Variants in IRAK1BP1 observed in about 807,000 individuals in gnomAD.
The protein encoded by IRAK1BP1 is interleukin 1 receptor associated kinase 1 binding protein 1, also known as interleukin-1 receptor-associated kinase 1-binding protein 1.
In IRAK1BP1, 24 loss-of-function variants were observed where a neutral mutation model predicts 28.0. That is an observed-to-expected ratio of 0.86 (90% CI 0.62 to 1.20). IRAK1BP1 has a LOEUF of 1.20. Among genes scored for constraint, IRAK1BP1 ranks in the 50% most tolerant of loss-of-function variants. The pLI is 0.00. For missense variants in IRAK1BP1, 336 were observed against 316.7 expected (o/e 1.06, Z -0.46); for synonymous variants, 131 against 116.3 (o/e 1.13, Z -0.81).
Position 78,933,147 on chromosome 6 carries a change from G to A in IRAK1BP1, c.*68-12261G>A, listed in dbSNP as rs567491501. On this transcript the variant is annotated intron_variant and NMD_transcript_variant, in intron 4 of 4. Coordinates refer to the IRAK1BP1 transcript ENST00000606868. ...AGCCTGTCCTTTGAAGCTAGGCATT[G>A]ACTTCTCTCTAGCTATGAAAGTCCT... Among the ~76,000 whole-genome samples, 15 of 152,224 alleles carry A rather than the reference G, an allele frequency of 9.9e-5. No homozygotes were observed. The South Asian group carries it at 3.1e-3, about 32-fold the overall frequency.
At chr6:78,891,552 C>G (rs1241063428) in intron 2 of IRAK1BP1, among the ~76,000 whole-genome samples, 1 of 151,756 alleles carries the variant, frequency 6.6e-6, no homozygotes, top group Admixed American at 6.6e-5. Flanking sequence ...ACCTCCGTCT[C>G]CCAGGTTCAA....
intron 4 of IRAK1BP1, chr6:78,935,452 T>C: frequency 1.0e-6 from 1 of 958,254 alleles, no homozygotes; most frequent in Non-Finnish European, 1.2e-6. Context: ...ATCATTCCTT[T>C]TTTCCCAGAA....
In IRAK1BP1 at chr6:78,867,827, C is replaced by T. The variant is rs61729435; in HGVS notation, c.251C>T (p.Ala84Val). 775 of 1,612,012 alleles carry T rather than the reference C, an allele frequency of 4.8e-4. 4 individuals carry two copies. The African/African-American group carries it at 9.5e-3, about 20-fold the overall frequency. The change falls in exon 1 of 4, where the codon GCC (alanine) becomes GTC (valine). Residue 84 changes from alanine (A) to valine (V), a missense_variant. Physicochemically the swap from Ala to Val is moderately conservative, Grantham distance 64. Coordinates refer to ENST00000369940, the MANE Select transcript of IRAK1BP1 (RefSeq NM_001010844.4). The stretch of plus-strand genomic sequence containing the variant: ...AGCACCAAGGAGGCGGCAGCCGAGG[C>T]CAAAAAGAGCGTTTGTCGCCGTCTA... The part of the protein sequence containing the change: ...VSSTKEAAAE[A>V]KKSVCRRLDY...
At chr6:78,970,251 A>G in the IRAK1BP1 span, 1 of 1,283,466 alleles carries the variant, frequency 7.8e-7, no homozygotes, top group African/African-American at 1.5e-5. Flanking sequence ...TGTTGAGAAA[A>G]AACTTCTTGG....
chr6:78,970,221 C>A, the IRAK1BP1 span: 2 of 1,514,002 alleles, frequency 1.3e-6, no homozygotes, highest in Non-Finnish European at 1.8e-6. Flanking sequence ...AAATAAACCA[C>A]AAAATAGACT....
intron 2 of IRAK1BP1, among the ~76,000 whole-genome samples, chr6:78,891,787 A>G (rs2127650494): frequency 6.6e-6 from 1 of 152,228 alleles, no homozygotes; most frequent in East Asian, 1.9e-4. Context: ...ATCCTGGGGT[A>G]TAATAGGTAT....
chr6:78,941,033 T>C (rs774747260), intron 4 of IRAK1BP1: 1 of 1,613,770 alleles, frequency 6.2e-7, no homozygotes, highest in Non-Finnish European at 8.5e-7. Context: ...TCCACGATTC[T>C]TTTTCTGTAA....
chr6:78,935,415 T>A, intron 4 of IRAK1BP1: 2 of 785,784 alleles, frequency 2.5e-6, no homozygotes, highest in Non-Finnish European at 3.1e-6. Flanking sequence ...ACAAAATTTC[T>A]AGGAAAACTG....
chr6:78,902,795 CAT>C lies in IRAK1BP1; in HGVS notation c.*4463_*4464del. Reference sequence around the variant, plus strand: ...ACATACATACATACATACATACATACATACATACATACATACATACATACATA... The same window carrying C: ...ACATACATACATACATACATACATACACATACATACATACATACATACATA... On this transcript the variant is annotated 3_prime_UTR_variant, in exon 4 of 4. Transcript: ENST00000369940. The C allele has an allele frequency of 2.3e-6, 1 of 437,968 alleles. No homozygotes were observed. The highest frequency in any genetic ancestry group is 4.1e-6 in the Non-Finnish European group (1 of 244,574). 27.1% of individuals were successfully genotyped at this position (437,968 alleles called of 1,614,324 possible). A position where few individuals can be genotyped will look rare whatever the true frequency, so the allele number is the denominator to read the frequency against.
rs1772142064 is a variant in IRAK1BP1, at chr6:78,902,661, C to T, written c.*4327C>T. 1 of 204,434 alleles carries T rather than the reference C, an allele frequency of 4.9e-6. No individual in the cohort carries two copies. Among genetic ancestry groups the T allele is most frequent in the Admixed American group, 5.7e-5 (1 of 17,394 alleles). The allele number at this position is 204,434 out of a possible 1,614,324, so 12.7% of individuals were successfully genotyped here. A position where few individuals can be genotyped will look rare whatever the true frequency, so the allele number is the denominator to read the frequency against. ...TGGCGTGTGACTGTAATCTCAGCTA[C>T]CGGGGAGGCTGAAGCAGAAGAAACG... On this transcript the variant is annotated 3_prime_UTR_variant, in exon 4 of 4. Transcript: ENST00000369940.
chr6:78,955,103 C>T, the IRAK1BP1 span: 14 of 884,560 alleles, frequency 1.6e-5, no homozygotes, highest in East Asian at 5.6e-5. Flanking sequence ...AAAAAACATA[C>T]ATTTTGTAAT....
At chr6:78,972,551 A>G in the IRAK1BP1 span, among the ~76,000 whole-genome samples, 1 of 152,290 alleles carries the variant, frequency 6.6e-6, no homozygotes, top group East Asian at 1.9e-4. Context: ...GAGCTGAGAG[A>G]AGAAGGCTTC....
downstream of IRAK1BP1, chr6:78,947,558 T>C: frequency 1.3e-6 from 1 of 742,670 alleles, no homozygotes; most frequent in Non-Finnish European, 2.2e-6. Flanking sequence ...TAAAGCAACA[T>C]TTAGTCATTT....
chr6:78,874,484 T>A (rs1285536647), intron 1 of IRAK1BP1, among the ~76,000 whole-genome samples: 1 of 152,220 alleles, frequency 6.6e-6, no homozygotes, highest in Non-Finnish European at 1.5e-5. Flanking sequence ...ATTAGTTCAT[T>A]TGATCCTTGT....
chr6:78,909,891 T>G (rs1370071409), intron 4 of IRAK1BP1, among the ~76,000 whole-genome samples: 3 of 152,202 alleles, frequency 2.0e-5, no homozygotes, highest in Admixed American at 1.3e-4. Context: ...GTTATTTCTA[T>G]ATGTTGGATA....
the IRAK1BP1 span, chr6:78,955,129 A>G: frequency 1.1e-6 from 1 of 900,632 alleles, no homozygotes; most frequent in South Asian, 1.8e-5. Flanking sequence ...CTAATTTGAA[A>G]TACTTAATGT....
At chr6:78,945,531 G>C (rs1324667512) in exon 5 of IRAK1BP1, 1 of 1,316,970 alleles carries the variant, frequency 7.6e-7, no homozygotes, top group Non-Finnish European at 1.1e-6. Flanking sequence ...AAAATTAAGA[G>C]TTATTGAACC....
chr6:78,939,475 C>T (rs995125834), intron 4 of IRAK1BP1: 3 of 151,626 alleles, frequency 2.0e-5, no homozygotes, highest in Non-Finnish European at 4.4e-5. Flanking sequence ...CCAATTTCCC[C>T]CTTAAAATTA....
intron 2 of IRAK1BP1, among the ~76,000 whole-genome samples, chr6:78,895,598 A>AT: frequency 6.6e-6 from 1 of 152,246 alleles, no homozygotes; most frequent in East Asian, 1.9e-4. Context: ...ACATTCAGAA[A>AT]TTGGTCAATC....
Sources: allele counts gnomAD v4.1 joint callset (sites outside exome capture counted in the v4.1 genomes callset), GRCh38; gene constraint gnomAD v4.1.1; transcripts MANE v1.5; gene names NCBI Gene and HGNC (gene_info 2026-07-23, HGNC 2026-07-21).